The following ZMYM2 variants were observed in gnomAD, a reference collection of about 807,000 sequenced individuals.
The protein encoded by ZMYM2 is zinc finger MYM-type containing 2, also known as zinc finger MYM-type protein 2.
A neutral mutation model predicts 162.8 loss-of-function variants in ZMYM2; 56 were observed. That is an observed-to-expected ratio of 0.34 (90% CI 0.28 to 0.43). ZMYM2 has a LOEUF of 0.43. ZMYM2 is among the 20% of genes least tolerant of loss of function. The pLI is 1.00. For missense variants in ZMYM2, 1,275 were observed against 1,621.8 expected, an observed-to-expected ratio of 0.79 and a Z score of 3.67; for synonymous variants, 510 against 541.6, an observed-to-expected ratio of 0.94 and a Z score of 0.81.
At chr13:19,902,640 G>A in the ZMYM2 span, among the ~76,000 whole-genome samples, 3 of 151,998 alleles carry the variant, frequency 2.0e-5, no homozygotes, top group African/African-American at 7.2e-5. Context: ...AACAAACAAT[G>A]TGAATATAGT....
rs1024738177 is a variant in ZMYM2 at position 20,052,308 on chromosome 13, G to A, written c.2490G>A (p.Met830Ile). ...GTTGTCAGACATCTCGAACCAAAATGACAGTAAGTATTGGTGAAATGGAGT... is the reference window on the plus strand; with the variant it reads ...GTTGTCAGACATCTCGAACCAAAATAACAGTAAGTATTGGTGAAATGGAGT... ...DQGCQTSRTK[M>I]TGSAPPPSPT... Residue 830 changes from methionine (M) to isoleucine (I), a missense_variant, in exon 14 of 25, where the codon ATG becomes ATA. Around this residue, in one of 10 missense-constraint regions of ZMYM2, gnomAD observed 177 missense variants for 228.0 expected, o/e 0.78. Coordinates refer to ENST00000610343, the MANE Select transcript of ZMYM2 (RefSeq NM_197968.4). 5.1e-6 allele frequency: 8 copies of A among 1,570,856 alleles called. No individual in the cohort carries two copies. In the Admixed American group the frequency reaches 1.1e-4, roughly 22 times the overall value.
chr13:19,924,758 G>A, the ZMYM2 span, among the ~76,000 whole-genome samples: 1 of 152,040 alleles, frequency 6.6e-6, no homozygotes, highest in African/African-American at 2.4e-5. Context: ...TGTGAATAAC[G>A]CTTCTATGAA....
intron 2 of ZMYM2, among the ~76,000 whole-genome samples, chr13:19,990,874 C>T (rs979457795): frequency 6.6e-6 from 1 of 152,156 alleles, no homozygotes; most frequent in Non-Finnish European, 1.5e-5. Context: ...AATCTATAGT[C>T]TATACTTGCC....
chr13:20,026,390 C>T (rs1952583302), intron 7 of ZMYM2: 1 of 384,894 alleles, frequency 2.6e-6, no homozygotes, highest in Non-Finnish European at 4.6e-6. Flanking sequence ...GAAAAACATT[C>T]TGTTTTTGAA....
At chr13:19,953,466 C>T in the ZMYM2 span, among the ~76,000 whole-genome samples, 1 of 151,990 alleles carries the variant, frequency 6.6e-6, no homozygotes, top group Non-Finnish European at 1.5e-5. Flanking sequence ...GGGTGGATCA[C>T]GAGGTCAAGA....
rs749665781 is a variant in ZMYM2 at position 20,082,944 on chromosome 13, T to C, written c.3732T>C (p.Phe1244=). The C allele has an allele frequency of 1.4e-5, 23 of 1,613,898 alleles. No homozygotes were observed. In the East Asian group the frequency reaches 3.6e-4, roughly 25 times the overall value. Residue 1244 remains phenylalanine (F), a synonymous_variant, in exon 23 of 25, where the codon TTT becomes TTC. Transcript: ENST00000610343. The part of the protein sequence containing the change: ...QHLRLSFGTV[F]RHWKKNPLTM... ...TAAGACTTTCCTTTGGCACTGTGTT[T>C]AGGCATTGGAAAAAAAATCCTTTAA...
intron 21 of ZMYM2, among the ~76,000 whole-genome samples, chr13:20,068,952 A>T (rs1292078134): frequency 6.6e-6 from 1 of 152,122 alleles, no homozygotes; most frequent in Non-Finnish European, 1.5e-5. Context: ...GCTTAAAAAC[A>T]TATTTAGATA....
the ZMYM2 span, among the ~76,000 whole-genome samples, chr13:19,903,057 G>A: frequency 4.3e-3 from 653 of 152,150 alleles, 2 homozygotes; most frequent in East Asian, 0.019. Flanking sequence ...TTGGGAGGCC[G>A]AGGCAGGATA....
intron 12 of ZMYM2, among the ~76,000 whole-genome samples, chr13:20,050,189 A>G (rs1217922024): frequency 1.3e-5 from 2 of 151,856 alleles, no homozygotes; most frequent in African/African-American, 2.4e-5. Context: ...ATAAATCTTC[A>G]TTTAACATTT....
At chr13:19,913,337 T>C in the ZMYM2 span, among the ~76,000 whole-genome samples, 6 of 152,054 alleles carry the variant, frequency 3.9e-5, no homozygotes, top group Non-Finnish European at 8.8e-5. Flanking sequence ...AATTAGGTGT[T>C]CTCTGACCCA....
chr13:19,883,976 CAA>C, the ZMYM2 span, among the ~76,000 whole-genome samples: 114 of 152,320 alleles, frequency 7.5e-4, no homozygotes, highest in African/African-American at 2.6e-3. Flanking sequence ...AGAATGGTCT[CAA>C]ACTCTTCACC....
intron 3 of ZMYM2, among the ~76,000 whole-genome samples, chr13:19,994,778 T>C (rs111585321): frequency 8.5e-5 from 13 of 152,140 alleles, no homozygotes; most frequent in African/African-American, 3.1e-4. Flanking sequence ...CGTGAGTCAC[T>C]GCACCTGGCC....
At chr13:19,996,281 A>G (rs1180285741) in intron 3 of ZMYM2, among the ~76,000 whole-genome samples, 2 of 152,200 alleles carry the variant, frequency 1.3e-5, no homozygotes, top group African/African-American at 4.8e-5. Context: ...AAAATCTATA[A>G]TTTAAAACAA....
intron 18 of ZMYM2, among the ~76,000 whole-genome samples, chr13:20,063,390 G>A (rs1425841656): frequency 2.9e-5 from 4 of 138,998 alleles, no homozygotes; most frequent in African/African-American, 1.1e-4. Context: ...GCAGCAGAGT[G>A]AGACCCTGTC....
At chr13:19,962,496 G>GATATATATATATATATATATATATATAT (rs199575840) in intron 2 of ZMYM2, among the ~76,000 whole-genome samples, 2 of 84,820 alleles carry the variant, frequency 2.4e-5, no homozygotes, top group African/African-American at 1.2e-4. Context: ...AATTGCATGG[G>GATATATATATATATATATATATATATAT]ATATATATAT....
At chr13:19,989,453 G>A (rs544861862) in intron 2 of ZMYM2, among the ~76,000 whole-genome samples, 23 of 152,132 alleles carry the variant, frequency 1.5e-4, no homozygotes, top group Admixed American at 1.3e-3. Flanking sequence ...ACAGGTGCAT[G>A]CTACCATGCC....
chr13:19,965,144 G>C, intron 2 of ZMYM2: 1 of 813,634 alleles, frequency 1.2e-6, no homozygotes. Flanking sequence ...GGGATGCACA[G>C]TTAGAAGTTG....
In ZMYM2 at chr13:20,034,406, C is replaced by T; in HGVS notation, c.2119+2C>T. ...TTAAGAGACCTTTCTGTAGTGAAGG[C>T]AAGTTGCATATACAGTGTTGTTCAT... is the stretch of plus-strand genomic sequence containing the variant. On this transcript the variant is annotated splice_donor_variant, in intron 11 of 24. Coordinates refer to ENST00000610343, the MANE Select transcript of ZMYM2 (RefSeq NM_197968.4). LOFTEE classifies it low-confidence loss of function (GC_TO_GT_DONOR). 6.3e-7 allele frequency: 1 copy of T among 1,582,238 alleles called. No individual in the cohort carries two copies.
intron 2 of ZMYM2, among the ~76,000 whole-genome samples, chr13:19,988,560 G>A (rs1566229233): frequency 6.6e-6 from 1 of 152,090 alleles, no homozygotes; most frequent in Non-Finnish European, 1.5e-5. Flanking sequence ...GAGGCGGGTG[G>A]ATCACGAGGT....
Sources: gnomAD v4.1 joint callset for allele counts (sites outside exome capture counted in the v4.1 genomes callset) on GRCh38, gnomAD v4.1.1 for gene constraint, gnomAD v4.1.1 regional missense constraint, MANE v1.5 for transcripts, NCBI Gene and HGNC (gene_info 2026-07-23, HGNC 2026-07-21) for gene names.